Variants in C8orf34 observed in about 807,000 individuals in gnomAD.
C8orf34 encodes the protein uncharacterized protein C8orf34.
C8orf34 carries 65 observed loss-of-function variants against 68.3 expected under a neutral mutation model. The ratio of observed to expected loss-of-function variants is 0.95; its 90% confidence interval spans 0.78 to 1.17. The LOEUF (loss-of-function observed/expected upper bound fraction) is 1.17, where lower values mean the gene tolerates loss of function less well. C8orf34 is among the 50% of genes most tolerant of loss of function. The probability of loss-of-function intolerance (pLI) is 0.00; values close to 1 mark genes in which losing one functional copy is unlikely to be tolerated. For synonymous variants in C8orf34, 244 were observed against 241.2 expected (o/e 1.01, Z -0.11); for missense variants, 664 against 655.4 (o/e 1.01, Z -0.14).
intron 7 of C8orf34, among the ~76,000 whole-genome samples, chr8:68,631,263 A>G (rs1585642714): frequency 6.6e-6 from 1 of 151,808 alleles, no homozygotes; most frequent in East Asian, 2.0e-4. Flanking sequence ...CTCTATCTCA[A>G]AAATAAAAAT....
At chr8:68,681,512 C>T (rs955229663) in intron 8 of C8orf34, among the ~76,000 whole-genome samples, 29 of 152,118 alleles carry the variant, frequency 1.9e-4, no homozygotes, top group Non-Finnish European at 2.8e-4. Context: ...ATACCAGCAA[C>T]AGATGCTGGT....
intron 1 of C8orf34, among the ~76,000 whole-genome samples, chr8:68,407,631 A>G (rs1362979527): frequency 4.6e-5 from 7 of 152,110 alleles, no homozygotes; most frequent in African/African-American, 1.2e-4. Context: ...AGCTTAGGGA[A>G]TTATTATTAC....
chr8:68,526,893 A>T lies in C8orf34; in HGVS notation c.938+4922A>T, dbSNP rs554100595. Among the ~76,000 whole-genome samples the T allele has an allele frequency of 1.5e-3, 225 of 152,260 alleles. 1 individual carries two copies. Among genetic ancestry groups the T allele is most frequent in the Non-Finnish European group, 2.3e-3 (157 of 67,990 alleles). On this transcript the variant is annotated intron_variant, in intron 6 of 13. Coordinates refer to ENST00000518698, the MANE Select transcript of C8orf34 (RefSeq NM_052958.4). ...CAGGCCCACGAGTGAGACAGGAGTC[A>T]GGAGGAGGAGGGCCAGTGGTCAGAA...
intron 7 of C8orf34, among the ~76,000 whole-genome samples, chr8:68,565,025 T>A (rs1222892284): frequency 6.6e-6 from 1 of 152,216 alleles, no homozygotes; most frequent in Non-Finnish European, 1.5e-5. Flanking sequence ...ATATCTGAAG[T>A]GTCTTCTTTC....
intron 10 of C8orf34, among the ~76,000 whole-genome samples, chr8:68,774,331 G>GTATATATATATATATATATATA (rs550713780): frequency 4.6e-5 from 5 of 108,948 alleles, no homozygotes; most frequent in African/African-American, 1.8e-4. Context: ...GGGTGTGTGT[G>GTATATATATATATATATATATA]TATATATATA....
chr8:68,517,398 G>A (rs1814566190), intron 5 of C8orf34, among the ~76,000 whole-genome samples: 1 of 152,066 alleles, frequency 6.6e-6, no homozygotes. Flanking sequence ...CACTAGAATG[G>A]GAGGAATATA....
intron 7 of C8orf34, among the ~76,000 whole-genome samples, chr8:68,544,904 A>G (rs1423157797): frequency 1.3e-5 from 2 of 152,232 alleles, no homozygotes; most frequent in Non-Finnish European, 2.9e-5. Context: ...AGTGCAACAT[A>G]CAAAATAATA....
intron 1 of C8orf34, among the ~76,000 whole-genome samples, chr8:68,346,839 T>A (rs995192543): frequency 6.6e-6 from 1 of 152,120 alleles, no homozygotes; most frequent in Non-Finnish European, 1.5e-5. Context: ...TTTATCCATT[T>A]CCCTGCTGAA....
At chr8:68,395,751 G>A (rs181565679) in intron 1 of C8orf34, among the ~76,000 whole-genome samples, 23 of 152,140 alleles carry the variant, frequency 1.5e-4, no homozygotes, top group Admixed American at 1.1e-3. Context: ...AGGCAGTCAA[G>A]GTTGATGGGA....
At chr8:68,364,870 G>A (rs1381542878) in intron 1 of C8orf34, among the ~76,000 whole-genome samples, 1 of 152,118 alleles carries the variant, frequency 6.6e-6, no homozygotes, top group Non-Finnish European at 1.5e-5. Flanking sequence ...TCAAAAGCAG[G>A]CAGAAGGCAA....
intron 1 of C8orf34, among the ~76,000 whole-genome samples, chr8:68,359,526 G>A (rs923621764): frequency 6.6e-6 from 1 of 152,216 alleles, no homozygotes; most frequent in African/African-American, 2.4e-5. Context: ...CTGGTGATAA[G>A]AGGGCAGTAG....
chr8:68,590,490 A>C (rs968470539), intron 7 of C8orf34, among the ~76,000 whole-genome samples: 1 of 152,114 alleles, frequency 6.6e-6, no homozygotes, highest in Non-Finnish European at 1.5e-5. Flanking sequence ...CGGGAACAGG[A>C]GGAAAATTTA....
intron 10 of C8orf34, among the ~76,000 whole-genome samples, chr8:68,743,666 C>T (rs2129527322): frequency 1.3e-5 from 2 of 152,352 alleles, no homozygotes; most frequent in African/African-American, 2.4e-5. Context: ...GAATACTGCG[C>T]TTTCCCGACG....
intron 1 of C8orf34, among the ~76,000 whole-genome samples, chr8:68,426,131 T>A (rs1356717232): frequency 6.6e-6 from 1 of 152,162 alleles, no homozygotes; most frequent in Non-Finnish European, 1.5e-5. Context: ...TCATATCTCT[T>A]GTATATGCTA....
At chr8:68,462,135 G>A (rs1278203639) in intron 3 of C8orf34, among the ~76,000 whole-genome samples, 1 of 152,034 alleles carries the variant, frequency 6.6e-6, no homozygotes, top group Non-Finnish European at 1.5e-5. Context: ...GGCAGGGGTT[G>A]CAATCCTGGT....
chr8:68,376,506 G>A (rs1472827431), intron 1 of C8orf34, among the ~76,000 whole-genome samples: 2 of 152,072 alleles, frequency 1.3e-5, no homozygotes, highest in Non-Finnish European at 2.9e-5. Context: ...GATGTGGCTG[G>A]ACTGTAGTCG....
intron 12 of C8orf34, among the ~76,000 whole-genome samples, chr8:68,794,687 A>G (rs936273213): frequency 2.0e-5 from 3 of 150,656 alleles, no homozygotes; most frequent in Non-Finnish European, 4.4e-5. Context: ...ATATTTCACC[A>G]TGTTGCCCAG....
At chr8:68,434,169 C>G (rs992655874) in intron 1 of C8orf34, among the ~76,000 whole-genome samples, 3 of 152,126 alleles carry the variant, frequency 2.0e-5, no homozygotes, top group Non-Finnish European at 4.4e-5. Context: ...GGTACATGTA[C>G]AGAACGTGCA....
chr8:68,559,304 C>A lies in C8orf34; in HGVS notation c.1105+26155C>A, dbSNP rs56116637. Among the ~76,000 whole-genome samples, 1,419 of 152,108 alleles carry A rather than the reference C, an allele frequency of 9.3e-3. 14 individuals carry two copies. The highest frequency in any genetic ancestry group is 0.016 in the Non-Finnish European group (1,114 of 67,960). Reference sequence around the variant, plus strand: ...TGAAGGCTGGTATCATCAACATAGACAAGGAATTCAGGAAAAATAATTTTC... The same window carrying A: ...TGAAGGCTGGTATCATCAACATAGAAAAGGAATTCAGGAAAAATAATTTTC... On this transcript the variant is annotated intron_variant, in intron 7 of 13. Transcript: ENST00000518698.
Sources: allele counts gnomAD v4.1 joint callset (sites outside exome capture counted in the v4.1 genomes callset), GRCh38; gene constraint gnomAD v4.1.1; transcripts MANE v1.5; gene names NCBI Gene and HGNC (gene_info 2026-07-23, HGNC 2026-07-21).